Variants in HMCN1 observed in about 807,000 individuals in gnomAD.
HMCN1 encodes the protein hemicentin 1.
HMCN1 carries 321 observed loss-of-function variants against 625.9 expected under a neutral mutation model. That is an observed-to-expected ratio of 0.51 (90% CI 0.47 to 0.56). HMCN1 has a LOEUF of 0.56. Among genes scored for constraint, HMCN1 ranks in the 20% least tolerant of loss-of-function variants. The probability of loss-of-function intolerance (pLI) is 0.00; values close to 1 mark genes in which losing one functional copy is unlikely to be tolerated. For missense variants in HMCN1, 6,588 were observed against 6,887.3 expected (o/e 0.96, Z 1.54); for synonymous variants, 2,425 against 2,417.6 (o/e 1.00, Z -0.09).
At chr1:186,047,650 C>A (rs1442207993) in intron 41 of HMCN1, among the ~76,000 whole-genome samples, 1 of 152,082 alleles carries the variant, frequency 6.6e-6, no homozygotes, top group Non-Finnish European at 1.5e-5. Context: ...GACATGCAGG[C>A]CTGTGCATAC....
chr1:185,979,410 G>A (rs568658147), intron 16 of HMCN1, among the ~76,000 whole-genome samples: 163 of 152,298 alleles, frequency 1.1e-3, no homozygotes, highest in South Asian at 2.1e-3. Flanking sequence ...GATAAAAAGT[G>A]AGACCTGAAA....
chr1:185,777,363 A>G (rs1290532262), intron 1 of HMCN1, among the ~76,000 whole-genome samples: 4 of 152,192 alleles, frequency 2.6e-5, no homozygotes, highest in Non-Finnish European at 4.4e-5. Context: ...CTACAAAGCA[A>G]TCTCCAATTT....
chr1:185,816,342 A>C (rs1173079799), intron 1 of HMCN1, among the ~76,000 whole-genome samples: 1 of 152,164 alleles, frequency 6.6e-6, no homozygotes, highest in Non-Finnish European at 1.5e-5. Flanking sequence ...TACTCTTTGT[A>C]CTTTGGGGAT....
At chr1:185,749,023 G>C (rs1158264435) in intron 1 of HMCN1, among the ~76,000 whole-genome samples, 2 of 152,160 alleles carry the variant, frequency 1.3e-5, no homozygotes, top group African/African-American at 4.8e-5. Context: ...GGAGCTTGGG[G>C]TAGGAAGAGG....
At chr1:185,756,523 T>C (rs1180271505) in intron 1 of HMCN1, among the ~76,000 whole-genome samples, 1 of 151,794 alleles carries the variant, frequency 6.6e-6, no homozygotes, top group East Asian at 1.9e-4. Flanking sequence ...ATGATAGTAA[T>C]ATCTTTCTCT....
intron 41 of HMCN1, among the ~76,000 whole-genome samples, chr1:186,046,500 C>T (rs1028741441): frequency 6.6e-6 from 1 of 151,836 alleles, no homozygotes; most frequent in African/African-American, 2.4e-5. Context: ...AAGAGCATGA[C>T]ACTCTTCATG....
intron 100 of HMCN1, among the ~76,000 whole-genome samples, chr1:186,168,659 G>A (rs1652036179): frequency 6.6e-6 from 1 of 152,066 alleles, no homozygotes; most frequent in Admixed American, 6.6e-5. Context: ...GACAGAAGTG[G>A]CAGGAACTGG....
chr1:185,912,942 T>G (rs909875939), intron 6 of HMCN1, among the ~76,000 whole-genome samples: 10 of 152,246 alleles, frequency 6.6e-5, no homozygotes, highest in African/African-American at 1.9e-4. Context: ...ATACTTCAAA[T>G]TATAGAGCTG....
At chr1:185,810,654 T>TTGTG (rs34235221) in intron 1 of HMCN1, among the ~76,000 whole-genome samples, 3,243 of 147,652 alleles carry the variant, frequency 0.022, 93 homozygotes, top group African/African-American at 0.07. Flanking sequence ...AATATCAACT[T>TTGTG]TGTGTGTGTG....
chr1:185,744,643 A>G (rs973607585), intron 1 of HMCN1, among the ~76,000 whole-genome samples: 1 of 152,234 alleles, frequency 6.6e-6, no homozygotes, highest in African/African-American at 2.4e-5. Context: ...TTATAGCAGA[A>G]GGAAGCATGG....
intron 85 of HMCN1, 36 bp downstream of exon 85, chr1:186,130,733 C>T: frequency 6.4e-7 from 1 of 1,572,392 alleles, no homozygotes; most frequent in Non-Finnish European, 8.7e-7. Flanking sequence ...CACCTTTAAA[C>T]CCCCACAGCC....
rs750864179 is a variant in HMCN1, at chr1:186,130,707, G to T, written c.13230+10G>T. 42 of 1,611,146 alleles carry T rather than the reference G, an allele frequency of 2.6e-5. No individual in the cohort carries two copies. The highest frequency in any genetic ancestry group is 3.4e-5 in the Non-Finnish European group (40 of 1,178,920). On this transcript the variant is annotated intron_variant, in intron 85 of 106. Coordinates refer to ENST00000271588, the MANE Select transcript of HMCN1 (RefSeq NM_031935.3). ...CATCTATGGCACTGTTGTAAGTCACGCCAGAATGATTGATGCACCTTTAAA... is the reference window on the plus strand; with the variant it reads ...CATCTATGGCACTGTTGTAAGTCACTCCAGAATGATTGATGCACCTTTAAA...
chr1:185,866,561 C>A (rs930807668), intron 4 of HMCN1, among the ~76,000 whole-genome samples: 2 of 151,668 alleles, frequency 1.3e-5, no homozygotes, highest in Non-Finnish European at 2.9e-5. Flanking sequence ...CCCACCACCA[C>A]GCCCGGCTAA....
chr1:186,127,997 G>A (rs746269087), intron 82 of HMCN1, 81 bp from the exon 83 acceptor site: 139 of 1,161,660 alleles, frequency 1.2e-4, no homozygotes, highest in Non-Finnish European at 1.8e-4. Context: ...TTTCTTGAGG[G>A]CCTAGCTATG....
intron 97 of HMCN1, among the ~76,000 whole-genome samples, chr1:186,161,460 A>T (rs1423602264): frequency 6.6e-6 from 1 of 151,848 alleles, no homozygotes; most frequent in Non-Finnish European, 1.5e-5. Flanking sequence ...TGAACCTGTC[A>T]TTATGATGTT....
At chr1:186,025,726 G>C (rs1315497925) in intron 36 of HMCN1, among the ~76,000 whole-genome samples, 4 of 152,160 alleles carry the variant, frequency 2.6e-5, no homozygotes, top group African/African-American at 9.7e-5. Flanking sequence ...ACCTCTACAT[G>C]GAAAATCATC....
At chr1:186,105,799 G>T (rs543364467) in intron 69 of HMCN1, among the ~76,000 whole-genome samples, 12 of 152,290 alleles carry the variant, frequency 7.9e-5, no homozygotes, top group African/African-American at 2.9e-4. Flanking sequence ...CCTGAATGAT[G>T]GTTCAAGTTT....
At chr1:185,809,529 A>G (rs919665614) in intron 1 of HMCN1, among the ~76,000 whole-genome samples, 1 of 151,724 alleles carries the variant, frequency 6.6e-6, no homozygotes, top group African/African-American at 2.4e-5. Context: ...TATATAATTA[A>G]TATTTCTGAA....
chr1:185,939,234 A>C (rs1405685152), intron 11 of HMCN1, among the ~76,000 whole-genome samples: 1 of 152,216 alleles, frequency 6.6e-6, no homozygotes, highest in African/African-American at 2.4e-5. Flanking sequence ...TGTTTGAATC[A>C]GCCACACTGA....
Sources: gnomAD v4.1 joint callset for allele counts (sites outside exome capture counted in the v4.1 genomes callset) on GRCh38, gnomAD v4.1.1 for gene constraint, MANE v1.5 for transcripts, NCBI Gene and HGNC (gene_info 2026-07-23, HGNC 2026-07-21) for gene names.